The following LAMA2 variants were observed in gnomAD, a reference collection of about 807,000 sequenced individuals.
LAMA2 encodes laminin subunit alpha 2, also known as laminin subunit alpha-2.
Under a neutral mutation model 364.8 loss-of-function variants are expected in LAMA2, and 269 were observed. That is an observed-to-expected ratio of 0.74 (90% CI 0.67 to 0.82). The LOEUF is 0.82. Ranked by LOEUF, LAMA2 falls within the 40% of genes least tolerant of loss-of-function variation. The pLI, the probability that LAMA2 is intolerant of heterozygous loss-of-function variation, is 0.00. For missense variants in LAMA2, 3,807 were observed against 3,873.2 expected, an observed-to-expected ratio of 0.98 and a Z score of 0.45; for synonymous variants, 1,379 against 1,370.6, an observed-to-expected ratio of 1.01 and a Z score of -0.14.
At chr6:129,456,099 G>C (rs541142332) in intron 47 of LAMA2, among the ~76,000 whole-genome samples, 16 of 152,210 alleles carry the variant, frequency 1.1e-4, no homozygotes, top group African/African-American at 3.1e-4. Flanking sequence ...TCAGGACCTG[G>C]TGCTCACTGG....
At chr6:129,280,219 C>G in intron 18 of LAMA2, 72 bp downstream of exon 18, 1 of 953,114 alleles carries the variant, frequency 1.0e-6, no homozygotes, top group Non-Finnish European at 1.7e-6. Flanking sequence ...ATACAATCAT[C>G]CTTTGCATCA....
intron 4 of LAMA2, among the ~76,000 whole-genome samples, chr6:129,102,217 C>CTCCCGGGT: frequency 6.6e-6 from 1 of 151,266 alleles, no homozygotes; most frequent in Non-Finnish European, 1.5e-5. Flanking sequence ...TAACCTCCGC[C>CTCCCGGGT]TCCCGGGTTC....
intron 31 of LAMA2, among the ~76,000 whole-genome samples, chr6:129,352,397 A>C (rs1776900867): frequency 6.6e-6 from 1 of 152,216 alleles, no homozygotes; most frequent in Non-Finnish European, 1.5e-5. Context: ...TCAGTGTTAT[A>C]TATTTTGTTT....
Position 128,929,780 on chromosome 6 carries a change from G to A in LAMA2, c.112+46423G>A, listed in dbSNP as rs1779338495. On this transcript the variant is annotated intron_variant, in intron 1 of 64. Transcript: ENST00000421865. ...TTGGAAAACGTGTAAAACCACAACTGTCTCCTGACTTCCAACCACACCCAC... is the reference window on the plus strand; with the variant it reads ...TTGGAAAACGTGTAAAACCACAACTATCTCCTGACTTCCAACCACACCCAC... 6 of 1,068,148 alleles carry A rather than the reference G, an allele frequency of 5.6e-6. No individual in the cohort carries two copies. The Admixed American group carries it at 6.8e-5, about 12-fold the overall frequency. 66.2% of individuals were successfully genotyped at this position (1,068,148 alleles called of 1,614,324 possible). A position where few individuals can be genotyped will look rare whatever the true frequency, so the allele number is the denominator to read the frequency against.
At chr6:129,128,296 T>C (rs1053587558) in intron 4 of LAMA2, among the ~76,000 whole-genome samples, 3 of 152,194 alleles carry the variant, frequency 2.0e-5, no homozygotes, top group Admixed American at 2.0e-4. Context: ...TTGTCAAAAA[T>C]AAATTGGTTG....
intron 1 of LAMA2, among the ~76,000 whole-genome samples, chr6:128,927,433 A>T (rs553793500): frequency 3.1e-4 from 47 of 152,316 alleles, no homozygotes; most frequent in African/African-American, 1.1e-3. Context: ...ACAGATTTAA[A>T]TATTACTTCT....
At chr6:129,173,933 G>A (rs1263297550) in intron 9 of LAMA2, among the ~76,000 whole-genome samples, 12 of 152,122 alleles carry the variant, frequency 7.9e-5, no homozygotes, top group Admixed American at 5.2e-4. Context: ...ATTTGTAAGA[G>A]CACTTTAAAT....
At chr6:128,983,309 C>A (rs1395194266) in intron 1 of LAMA2, among the ~76,000 whole-genome samples, 1 of 152,150 alleles carries the variant, frequency 6.6e-6, no homozygotes. Context: ...GCCATTCTAA[C>A]TGGTGTGAGA....
intron 63 of LAMA2, 114 bp from the exon 64 acceptor site, chr6:129,514,259 T>C (rs541975482): frequency 5.2e-5 from 43 of 833,830 alleles, no homozygotes; most frequent in Non-Finnish European, 7.9e-5. Flanking sequence ...TTACATCCAT[T>C]TCAAATGATT....
Position 129,453,024 on chromosome 6 carries a change from C to G in LAMA2, c.6466C>G (p.Arg2156Gly). 1 of 1,612,470 alleles carries G rather than the reference C, an allele frequency of 6.2e-7. No homozygotes were observed. The highest frequency in any genetic ancestry group is 1.1e-5 in the South Asian group (1 of 91,040). ...VSVSSGGDCI[R>G]TYKPEIKKGS... The stretch of plus-strand genomic sequence containing the variant: ...TGTGTCTTCAGGAGGTGACTGCATT[C>G]GAACATACAAACCAGAAATCAAGAA... The change falls in exon 46 of 65, where the codon CGA becomes GGA. Residue 2156 changes from arginine (R) to glycine (G), a missense_variant. By Grantham distance (125) the Arg-to-Gly change is moderately radical (BLOSUM62 -2). Around this residue, in one of 3 missense-constraint regions of LAMA2, gnomAD observed 3,333 missense variants for 3,345.7 expected, o/e 1.00. Transcript: ENST00000421865.
At chr6:129,072,375 A>G (rs951492064) in intron 3 of LAMA2, among the ~76,000 whole-genome samples, 4 of 152,088 alleles carry the variant, frequency 2.6e-5, no homozygotes, top group African/African-American at 4.8e-5. Flanking sequence ...GTACTTTTGT[A>G]TGTAGATTCA....
At chr6:129,237,598 T>G (rs1785077460) in intron 12 of LAMA2, among the ~76,000 whole-genome samples, 1 of 152,164 alleles carries the variant, frequency 6.6e-6, no homozygotes, top group Non-Finnish European at 1.5e-5. Flanking sequence ...CCTCCCAAAG[T>G]GCTGGGATTG....
At chr6:129,213,917 G>T (rs771639611) in intron 12 of LAMA2, among the ~76,000 whole-genome samples, 2 of 151,986 alleles carry the variant, frequency 1.3e-5, no homozygotes, top group Non-Finnish European at 2.9e-5. Context: ...TATATATAAA[G>T]AGTTACTGCA....
At chr6:129,502,309 C>G (rs1013596677) in intron 58 of LAMA2, among the ~76,000 whole-genome samples, 15 of 152,070 alleles carry the variant, frequency 9.9e-5, no homozygotes, top group Non-Finnish European at 2.2e-4. Context: ...TTTCCCTGTT[C>G]GATCTTCTAA....
intron 3 of LAMA2, among the ~76,000 whole-genome samples, chr6:129,061,129 C>G (rs936394836): frequency 1.3e-5 from 2 of 152,134 alleles, no homozygotes; most frequent in African/African-American, 4.8e-5. Flanking sequence ...CCCTGGGGAT[C>G]TTAGCCTCAA....
intron 1 of LAMA2, among the ~76,000 whole-genome samples, chr6:128,964,774 G>A (rs916699868): frequency 1.3e-5 from 2 of 152,004 alleles, no homozygotes; most frequent in East Asian, 1.9e-4. Context: ...TGAAATGTTT[G>A]CTCTTAGTCC....
intron 7 of LAMA2, among the ~76,000 whole-genome samples, chr6:129,150,392 T>G (rs112822594): frequency 2.5e-4 from 38 of 152,312 alleles, no homozygotes; most frequent in Middle Eastern, 3.4e-3. Flanking sequence ...CTCTTCTGTT[T>G]GTAGAATATC....
chr6:129,259,587 A>G (rs1002292762), intron 14 of LAMA2, among the ~76,000 whole-genome samples: 4 of 152,116 alleles, frequency 2.6e-5, no homozygotes, highest in African/African-American at 4.8e-5. Flanking sequence ...AGTGAAAAGT[A>G]TATTTCTTGT....
At chr6:129,502,379 T>C (rs1488224942) in intron 58 of LAMA2, among the ~76,000 whole-genome samples, 1 of 152,180 alleles carries the variant, frequency 6.6e-6, no homozygotes, top group Non-Finnish European at 1.5e-5. Flanking sequence ...TTCTCAGAAA[T>C]ATACATAAAT....
Sources: allele counts gnomAD v4.1 joint callset (sites outside exome capture counted in the v4.1 genomes callset), GRCh38; gene constraint gnomAD v4.1.1; regional missense constraint gnomAD v4.1.1; transcripts MANE v1.5; gene names NCBI Gene and HGNC (gene_info 2026-07-23, HGNC 2026-07-21).